The following ADAMTS20 variants were observed in gnomAD, a reference collection of about 807,000 sequenced individuals.
ADAMTS20 encodes the protein A disintegrin and metalloproteinase with thrombospondin motifs 20.
A neutral mutation model predicts 260.1 loss-of-function variants in ADAMTS20; 225 were observed. The ratio of observed to expected loss-of-function variants is 0.87; its 90% CI spans 0.78 to 0.97. The LOEUF (loss-of-function observed/expected upper bound fraction) is 0.97, where lower values mean the gene tolerates loss of function less well. Among genes scored for constraint, ADAMTS20 ranks in the 50% least tolerant of loss-of-function variants. The pLI is 0.00. For synonymous variants in ADAMTS20, 802 were observed against 769.5 expected, an observed-to-expected ratio of 1.04 and a Z score of -0.70; for missense variants, 2,400 against 2,337.7, an observed-to-expected ratio of 1.03 and a Z score of -0.55.
chr12:43,544,188 C>CTAA (rs1432049311), intron 2 of ADAMTS20, among the ~76,000 whole-genome samples: 1 of 152,250 alleles, frequency 6.6e-6, no homozygotes, highest in East Asian at 1.9e-4. Flanking sequence ...AATGAATGAA[C>CTAA]TAATAAATAG....
intron 36 of ADAMTS20, among the ~76,000 whole-genome samples, chr12:43,370,908 T>C (rs1463556032): frequency 6.6e-6 from 1 of 152,230 alleles, no homozygotes; most frequent in African/African-American, 2.4e-5. Flanking sequence ...TACTCATCAC[T>C]TTTTATCTGA....
In ADAMTS20 at chr12:43,376,329, A is replaced by G. The variant is rs762284047; in HGVS notation, c.5127T>C (p.Cys1709=). 11 of 1,545,934 alleles carry G rather than the reference A, an allele frequency of 7.1e-6. No individual in the cohort carries two copies. The Admixed American group carries it at 2.0e-4, about 28-fold the overall frequency. Residue 1709 remains cysteine (C), a splice_region_variant and synonymous_variant, in exon 34 of 39, where the codon TGT becomes TGC. Coordinates refer to ENST00000389420, the MANE Select transcript of ADAMTS20 (RefSeq NM_025003.5). ...TTTCTTTGCAGGTGGTAAATGATTT[A>G]CCTTCAAAGACAAATTAACACAACT... ...GAQKKCYAND[C]KSFTTCKEIQ...
chr12:43,433,779 C>T (rs1472054633), intron 19 of ADAMTS20: 2 of 487,200 alleles, frequency 4.1e-6, no homozygotes, highest in Non-Finnish European at 8.2e-6. Flanking sequence ...GAAGTATAAA[C>T]TTGCTGTCAT....
intron 4 of ADAMTS20, among the ~76,000 whole-genome samples, chr12:43,500,671 G>T (rs1164003882): frequency 3.9e-5 from 6 of 152,148 alleles, no homozygotes; most frequent in African/African-American, 1.2e-4. Flanking sequence ...TTATATATTT[G>T]TTTTTATTTA....
chr12:43,402,932 A>G (rs914258308), intron 28 of ADAMTS20, among the ~76,000 whole-genome samples: 2 of 152,098 alleles, frequency 1.3e-5, no homozygotes, highest in South Asian at 2.1e-4. Context: ...CCATTTCAGA[A>G]GTAGTGATAC....
At chr12:43,472,505 G>A (rs1376494504) in intron 7 of ADAMTS20, among the ~76,000 whole-genome samples, 1 of 134,970 alleles carries the variant, frequency 7.4e-6, no homozygotes, top group Non-Finnish European at 1.6e-5. Context: ...GATACTCCTC[G>A]AGAAGAGCAA....
intron 29 of ADAMTS20, among the ~76,000 whole-genome samples, chr12:43,393,518 C>A (rs1191731253): frequency 6.6e-6 from 1 of 151,832 alleles, no homozygotes; most frequent in Non-Finnish European, 1.5e-5. Context: ...ATAGCTATTG[C>A]GGAGCAGAGA....
chr12:43,373,212 T>A (rs1268445424), intron 36 of ADAMTS20, among the ~76,000 whole-genome samples: 1 of 152,242 alleles, frequency 6.6e-6, no homozygotes, highest in Non-Finnish European at 1.5e-5. Flanking sequence ...AGAAACTGTA[T>A]ATATTTGACA....
intron 7 of ADAMTS20, among the ~76,000 whole-genome samples, chr12:43,486,748 T>TA (rs150403389): frequency 0.04 from 6,053 of 151,906 alleles, 374 homozygotes; most frequent in African/African-American, 0.14. Context: ...ATAATCCCAT[T>TA]AAAAAGTGAG....
intron 3 of ADAMTS20, among the ~76,000 whole-genome samples, chr12:43,511,014 C>G (rs1942917008): frequency 6.6e-6 from 1 of 151,976 alleles, no homozygotes; most frequent in Admixed American, 6.6e-5. Flanking sequence ...AACTGATATT[C>G]AAAACTGAAC....
chr12:43,538,534 T>G (rs1338875959), intron 2 of ADAMTS20, among the ~76,000 whole-genome samples: 1 of 152,244 alleles, frequency 6.6e-6, no homozygotes, highest in African/African-American at 2.4e-5. Flanking sequence ...TGATCTCATT[T>G]GTCCATTTTT....
intron 7 of ADAMTS20, among the ~76,000 whole-genome samples, chr12:43,489,452 T>C (rs909680775): frequency 6.6e-6 from 1 of 151,950 alleles, no homozygotes. Flanking sequence ...GTTTCTTTCA[T>C]TGATTTCATT....
intron 29 of ADAMTS20, among the ~76,000 whole-genome samples, chr12:43,385,437 A>G (rs1263934730): frequency 6.6e-6 from 1 of 152,224 alleles, no homozygotes; most frequent in Admixed American, 6.5e-5. Context: ...TGCTGTCCAG[A>G]AGCTCTTTAG....
intron 2 of ADAMTS20, among the ~76,000 whole-genome samples, chr12:43,543,384 C>A (rs1943402305): frequency 6.6e-6 from 1 of 152,188 alleles, no homozygotes; most frequent in South Asian, 2.1e-4. Context: ...AATTCCTCTT[C>A]AGGAGCCAAA....
In ADAMTS20 at chr12:43,511,483, T is replaced by C. The variant is rs985418106; in HGVS notation, c.614-9078A>G. Reference sequence around the variant, plus strand: ...TTTATAAGTGCTCAGTAAATGTTCGTGGAAAGAAAGAAAAAGGATTAGGTT... The same window carrying C: ...TTTATAAGTGCTCAGTAAATGTTCGCGGAAAGAAAGAAAAAGGATTAGGTT... On this transcript the variant is annotated intron_variant, in intron 3 of 38. Transcript: ENST00000389420. Among the ~76,000 whole-genome samples the C allele has an allele frequency of 3.0e-4, 46 of 151,510 alleles. 1 individual carries two copies. Among genetic ancestry groups the C allele is most frequent in the East Asian group, 1.9e-4 (1 of 5,148 alleles).
At position 43,428,461 on chromosome 12, in the gene ADAMTS20, T is replaced by A. The variant is rs775937426; in HGVS notation, c.3725A>T (p.Asp1242Val). 2 of 1,613,836 alleles carry A rather than the reference T, an allele frequency of 1.2e-6. No individual in the cohort carries two copies. The highest frequency in any genetic ancestry group is 2.7e-5 in the African/African-American group (2 of 74,928). Reference protein sequence around the residue: ...VLCMNYHQPIDENYCDPEVRP... With the variant: ...VLCMNYHQPIVENYCDPEVRP... ...AACTTCAGGATCACAGTAATTCTCA[T>A]CAATTGGCTGATGGTAGTTCATGCA... The change falls in exon 26 of 39, where the codon GAT (aspartate) becomes GTT (valine). Residue 1242 changes from aspartate to valine, a missense_variant. By Grantham distance (152) the Asp-to-Val change is radical. Transcript: ENST00000389420.
chr12:43,432,219 A>T, intron 21 of ADAMTS20, 85 bp downstream of exon 21: 2 of 1,355,478 alleles, frequency 1.5e-6, no homozygotes, highest in African/African-American at 3.0e-5. Flanking sequence ...AAATTTAAGC[A>T]CTTTTAAATT....
At chr12:43,490,111 T>C (rs997566101) in intron 7 of ADAMTS20, among the ~76,000 whole-genome samples, 1 of 152,044 alleles carries the variant, frequency 6.6e-6, no homozygotes, top group African/African-American at 2.4e-5. Context: ...GGTGAATTCA[T>C]GGCTATTCAT....
At chr12:43,500,800 G>A (rs1165286757) in intron 4 of ADAMTS20, among the ~76,000 whole-genome samples, 1 of 151,982 alleles carries the variant, frequency 6.6e-6, no homozygotes, top group Non-Finnish European at 1.5e-5. Flanking sequence ...CTGTGTTTAG[G>A]CAACGTAGAC....
Sources: allele counts gnomAD v4.1 joint callset (sites outside exome capture counted in the v4.1 genomes callset), GRCh38; gene constraint gnomAD v4.1.1; transcripts MANE v1.5; gene names NCBI Gene and HGNC (gene_info 2026-07-23, HGNC 2026-07-21).